Variants in PALLD observed in about 807,000 individuals in gnomAD.
PALLD encodes palladin.
Under a neutral mutation model 123.5 loss-of-function variants are expected in PALLD, and 61 were observed. The ratio of observed to expected loss-of-function variants is 0.49; its 90% CI spans 0.40 to 0.61. The LOEUF (loss-of-function observed/expected upper bound fraction) is 0.61, where lower values mean the gene tolerates loss of function less well. Ranked by LOEUF, PALLD falls within the 20% of genes least tolerant of loss-of-function variation. The probability of loss-of-function intolerance (pLI) is 0.00; values close to 1 mark genes in which losing one functional copy is unlikely to be tolerated. For synonymous variants in PALLD, 465 were observed against 496.4 expected, an observed-to-expected ratio of 0.94 and a Z score of 0.84; for missense variants, 1,273 against 1,377.0, an observed-to-expected ratio of 0.92 and a Z score of 1.20.
At chr4:168,853,542 G>A (rs1182798909) in intron 10 of PALLD, among the ~76,000 whole-genome samples, 1 of 152,188 alleles carries the variant, frequency 6.6e-6, no homozygotes, top group East Asian at 1.9e-4. Flanking sequence ...GTGGTTTGGA[G>A]GCCTGAGGAA....
chr4:168,888,974 T>C (rs1169857959), intron 10 of PALLD, among the ~76,000 whole-genome samples: 5 of 152,116 alleles, frequency 3.3e-5, no homozygotes, highest in Non-Finnish European at 7.4e-5. Context: ...TTCTGCTGCA[T>C]ACTTAGTGAC....
At chr4:168,504,527 G>T (rs1036960462) in intron 1 of PALLD, among the ~76,000 whole-genome samples, 22 of 150,786 alleles carry the variant, frequency 1.5e-4, no homozygotes, top group Non-Finnish European at 1.3e-4. Flanking sequence ...CCGGCAGGTG[G>T]ATCTTGCAGT....
chr4:168,648,925 A>C (rs1046966716), intron 2 of PALLD: 2 of 152,226 alleles, frequency 1.3e-5, no homozygotes, highest in African/African-American at 4.8e-5. Context: ...CTGTATATGC[A>C]AGTTTCCATT....
intron 2 of PALLD, among the ~76,000 whole-genome samples, chr4:168,550,915 G>A (rs1222272504): frequency 1.3e-5 from 2 of 152,130 alleles, no homozygotes; most frequent in Admixed American, 6.5e-5. Flanking sequence ...TGTTACTAGT[G>A]CTAATTTGCA....
At chr4:168,633,264 G>A (rs1209524905) in intron 2 of PALLD, among the ~76,000 whole-genome samples, 1 of 152,126 alleles carries the variant, frequency 6.6e-6, no homozygotes, top group Non-Finnish European at 1.5e-5. Flanking sequence ...TGGCAAACAG[G>A]TTATTTTCAG....
chr4:168,822,279 G>A (rs1742835140), intron 10 of PALLD, among the ~76,000 whole-genome samples: 2 of 151,816 alleles, frequency 1.3e-5, no homozygotes, highest in South Asian at 4.2e-4. Flanking sequence ...TTTCTTTTTG[G>A]GGAGGGGGTG....
At position 168,614,324 on chromosome 4, in the gene PALLD, C is replaced by T. The variant is rs545322516; in HGVS notation, c.909-53866C>T. On this transcript the variant is annotated intron_variant, in intron 2 of 21. Coordinates refer to ENST00000505667, the MANE Select transcript of PALLD (RefSeq NM_001166108.2). ...TTAAAGGAAGGCCTATGTCAGTGAC[C>T]ATGCTGCGCTAGGGAGACCCTTGTG... 2.0e-5 allele frequency among the ~76,000 whole-genome samples: 3 copies of T among 152,234 alleles called. No homozygotes were observed. The South Asian group carries it at 6.2e-4, about 32-fold the overall frequency.
intron 2 of PALLD, among the ~76,000 whole-genome samples, chr4:168,547,677 C>T (rs1766288110): frequency 6.7e-6 from 1 of 150,356 alleles, no homozygotes; most frequent in South Asian, 2.1e-4. Flanking sequence ...TGGCCAGGCA[C>T]AGTGGCTCAT....
At chr4:168,658,726 A>T (rs1778849031) in intron 2 of PALLD, among the ~76,000 whole-genome samples, 1 of 151,938 alleles carries the variant, frequency 6.6e-6, no homozygotes, top group African/African-American at 2.4e-5. Flanking sequence ...GGGCTGGTCC[A>T]TCCTTCTATT....
At chr4:168,803,399 A>T (rs1739648254) in intron 10 of PALLD, among the ~76,000 whole-genome samples, 1 of 152,168 alleles carries the variant, frequency 6.6e-6, no homozygotes, top group African/African-American at 2.4e-5. Context: ...ATACTCCCTG[A>T]ATCTAAAATA....
rs146478831 is a variant in PALLD at position 168,517,877 on chromosome 4, C to T, written c.908+5465C>T. ...GACAATACACGTGTTGTGACTGCAA[C>T]ATGAAATGTAAATAGGTACAACCAG... On this transcript the variant is annotated intron_variant, in intron 2 of 21. Coordinates refer to ENST00000505667, the MANE Select transcript of PALLD (RefSeq NM_001166108.2). Among the ~76,000 whole-genome samples, 40 of 152,258 alleles carry T rather than the reference C, an allele frequency of 2.6e-4. No homozygotes were observed. The East Asian group carries it at 7.7e-3, about 29-fold the overall frequency.
chr4:168,680,489 A>C (rs1216747813), intron 3 of PALLD, among the ~76,000 whole-genome samples: 4 of 133,334 alleles, frequency 3.0e-5, no homozygotes, highest in African/African-American at 1.2e-4. Context: ...CTCAAAAAAA[A>C]AAAAAAAAAA....
intron 14 of PALLD, 28 bp downstream of exon 14, chr4:168,898,742 G>T (rs772527323): frequency 1.4e-6 from 2 of 1,460,228 alleles, no homozygotes; most frequent in Non-Finnish European, 1.9e-6. Context: ...GGCTTTTTAA[G>T]AGTCATTCTC....
chr4:168,690,809 A>G (rs1042375159), intron 7 of PALLD, 65 bp downstream of exon 7: 4 of 1,474,184 alleles, frequency 2.7e-6, no homozygotes, highest in Non-Finnish European at 3.8e-6. Flanking sequence ...AAGAAAACCA[A>G]GAAGGGCTAA....
At chr4:168,546,374 G>T (rs545488072) in intron 2 of PALLD, among the ~76,000 whole-genome samples, 77 of 140,090 alleles carry the variant, frequency 5.5e-4, no homozygotes, top group Admixed American at 2.0e-3. Context: ...TATCATTCCA[G>T]CTCCTTAAGC....
At chr4:168,534,878 T>A (rs1481601196) in intron 2 of PALLD, among the ~76,000 whole-genome samples, 1 of 152,226 alleles carries the variant, frequency 6.6e-6, no homozygotes, top group Non-Finnish European at 1.5e-5. Context: ...AGATAATGAC[T>A]ACTGAGGATT....
chr4:168,698,727 A>G (rs1783397734), intron 8 of PALLD, among the ~76,000 whole-genome samples: 1 of 151,958 alleles, frequency 6.6e-6, no homozygotes, highest in Non-Finnish European at 1.5e-5. Context: ...ATGGCCCAAG[A>G]TGGTTCTTGG....
intron 8 of PALLD, among the ~76,000 whole-genome samples, chr4:168,697,527 AG>A (rs1206257467): frequency 6.6e-6 from 1 of 152,228 alleles, no homozygotes; most frequent in Non-Finnish European, 1.5e-5. Context: ...TTTGGATGAC[AG>A]AATGGCAGGG....
chr4:168,557,616 G>T (rs571585149), intron 2 of PALLD, among the ~76,000 whole-genome samples: 1 of 152,126 alleles, frequency 6.6e-6, no homozygotes, highest in South Asian at 2.1e-4. Context: ...TATTCCATTG[G>T]ACTGCAGTAA....
Sources: allele counts gnomAD v4.1 joint callset (sites outside exome capture counted in the v4.1 genomes callset), GRCh38; gene constraint gnomAD v4.1.1; transcripts MANE v1.5; gene names NCBI Gene and HGNC (gene_info 2026-07-23, HGNC 2026-07-21).